Variants in LPIN1 observed in about 807,000 individuals in gnomAD.
LPIN1 encodes lipin 1.
In LPIN1, 71 loss-of-function variants were observed where a neutral mutation model predicts 107.5. That is an observed-to-expected ratio of 0.66 (90% CI 0.55 to 0.80). LPIN1 has a LOEUF of 0.80. Ranked by LOEUF, LPIN1 falls within the 30% of genes least tolerant of loss-of-function variation. The probability of loss-of-function intolerance (pLI) is 0.00; values close to 1 mark genes in which losing one functional copy is unlikely to be tolerated. For synonymous variants in LPIN1, 445 were observed against 452.6 expected (o/e 0.98, Z 0.21); for missense variants, 1,043 against 1,160.6 (o/e 0.90, Z 1.47).
intron 1 of LPIN1, among the ~76,000 whole-genome samples, chr2:11,759,437 G>A (rs186634820): frequency 0.022 from 3,352 of 152,096 alleles, 138 homozygotes; most frequent in African/African-American, 0.076. Flanking sequence ...ATCTTGCACC[G>A]CCCTTAATCC....
At chr2:11,727,872 C>T (rs963728746) in intron 1 of LPIN1, among the ~76,000 whole-genome samples, 9 of 152,232 alleles carry the variant, frequency 5.9e-5, no homozygotes, top group African/African-American at 2.2e-4. Context: ...ATGGATTCAA[C>T]CAACCGCAGG....
intron 2 of LPIN1, among the ~76,000 whole-genome samples, chr2:11,767,050 C>A (rs185970511): frequency 6.6e-6 from 1 of 152,006 alleles, no homozygotes; most frequent in East Asian, 1.9e-4. Flanking sequence ...TCAGGAGTGG[C>A]GAAGGTTCTG....
intron 1 of LPIN1, among the ~76,000 whole-genome samples, chr2:11,691,085 T>G (rs1053474101): frequency 1.5e-5 from 1 of 65,264 alleles, no homozygotes; most frequent in Non-Finnish European, 2.7e-5. Flanking sequence ...CTTGTTGTGG[T>G]TTTTTTTTTT....
intron 4 of LPIN1, 106 bp from the exon 5 acceptor site, chr2:11,773,514 C>A: frequency 2.1e-6 from 2 of 954,078 alleles, no homozygotes; most frequent in South Asian, 1.3e-5. Flanking sequence ...TTAAAGAGAT[C>A]ATGTTAATTA....
intron 1 of LPIN1, among the ~76,000 whole-genome samples, chr2:11,692,863 G>A (rs1160294679): frequency 6.6e-6 from 1 of 152,134 alleles, no homozygotes. Context: ...CCTTTGTTAA[G>A]CCCCATGATA....
chr2:11,773,268 G>A (rs1426710934), intron 4 of LPIN1, among the ~76,000 whole-genome samples: 1 of 152,212 alleles, frequency 6.6e-6, no homozygotes, highest in East Asian at 1.9e-4. Flanking sequence ...CCGCCCTGGG[G>A]CCGGTTTGGG....
At chr2:11,698,944 G>C (rs957319707) in intron 1 of LPIN1, among the ~76,000 whole-genome samples, 1 of 152,232 alleles carries the variant, frequency 6.6e-6, no homozygotes, top group Non-Finnish European at 1.5e-5. Context: ...TGGAGGCCAT[G>C]AATCAAGCTT....
intron 2 of LPIN1, among the ~76,000 whole-genome samples, chr2:11,766,350 A>G (rs936552270): frequency 2.0e-5 from 3 of 152,146 alleles, no homozygotes; most frequent in Non-Finnish European, 2.9e-5. Flanking sequence ...GGTGGTGTCA[A>G]TGGAAGAAGG....
intron 1 of LPIN1, among the ~76,000 whole-genome samples, chr2:11,700,661 CCA>C (rs1390316852): frequency 6.6e-6 from 1 of 152,162 alleles, no homozygotes; most frequent in Non-Finnish European, 1.5e-5. Flanking sequence ...TTGGCCACTT[CCA>C]CAGTGTGTGG....
intron 13 of LPIN1, 144 bp downstream of exon 13, chr2:11,792,150 GC>G (rs1675867674): frequency 1.4e-6 from 1 of 729,704 alleles, no homozygotes; most frequent in Non-Finnish European, 2.4e-6. Flanking sequence ...ATGAAGTAGG[GC>G]GAGTGCTCGT....
chr2:11,784,774 A>T (rs1389698238), intron 9 of LPIN1, 112 bp from the exon 10 acceptor site: 7 of 936,016 alleles, frequency 7.5e-6, no homozygotes, highest in Non-Finnish European at 1.2e-5. Flanking sequence ...GCTGAGATGC[A>T]GCCGTCTGCG....
chr2:11,755,778 G>C (rs1668584363), intron 1 of LPIN1, among the ~76,000 whole-genome samples: 1 of 150,674 alleles, frequency 6.6e-6, no homozygotes, highest in Non-Finnish European at 1.5e-5. Flanking sequence ...CTGGAGTTCA[G>C]TGGCGCCGTC....
At chr2:11,687,774 C>T (rs902430032) in intron 1 of LPIN1, among the ~76,000 whole-genome samples, 4 of 152,226 alleles carry the variant, frequency 2.6e-5, no homozygotes, top group East Asian at 1.9e-4. Context: ...CCAACACTCA[C>T]GGGGGAGGCA....
At chr2:11,739,880 G>A (rs773221926) in intron 1 of LPIN1, among the ~76,000 whole-genome samples, 2 of 152,232 alleles carry the variant, frequency 1.3e-5, no homozygotes, top group African/African-American at 2.4e-5. Context: ...GACATTCAAT[G>A]TAAACCCTTT....
chr2:11,762,154 A>G (rs1038146690), intron 1 of LPIN1, among the ~76,000 whole-genome samples: 1 of 152,018 alleles, frequency 6.6e-6, no homozygotes, highest in Non-Finnish European at 1.5e-5. Flanking sequence ...TCAGGGAAAC[A>G]GTTTACTGAT....
At chr2:11,805,044 A>AT in intron 16 of LPIN1, 26 bp from the exon 17 acceptor site, 4 of 1,427,970 alleles carry the variant, frequency 2.8e-6, no homozygotes, top group Non-Finnish European at 3.9e-6. Context: ...TTTTTACTTT[A>AT]TTTTTCTCTT....
In LPIN1 at chr2:11,785,069, C is replaced by G. The variant is rs1340968307; in HGVS notation, c.1542C>G (p.Ile514Met). The change falls in exon 10 of 21, where the codon ATC becomes ATG. Residue 514 changes from isoleucine (I) to methionine (M), a missense_variant. By Grantham distance (10) the Ile-to-Met change is conservative (BLOSUM62 1). Transcript: ENST00000674199. ...GGGGCCTCAGCGACCACCGGGAGAT[C>G]ACGAAAGGTACCGCGGGCCTCGCGC... is the stretch of plus-strand genomic sequence containing the variant. ...LCGGLSDHRE[I>M]TKDAFLEQAV... 3.2e-6 allele frequency: 5 copies of G among 1,578,862 alleles called. No individual in the cohort carries two copies. The highest frequency in any genetic ancestry group is 1.7e-5 in the Admixed American group (1 of 57,428).
At chr2:11,785,839 G>T (rs1037950433) in intron 10 of LPIN1, among the ~76,000 whole-genome samples, 1 of 152,124 alleles carries the variant, frequency 6.6e-6, no homozygotes, top group African/African-American at 2.4e-5. Flanking sequence ...TTTTTCTTCC[G>T]CAAAGATTGA....
intron 1 of LPIN1, among the ~76,000 whole-genome samples, chr2:11,729,158 G>C (rs1192604541): frequency 6.6e-6 from 1 of 152,188 alleles, no homozygotes; most frequent in Non-Finnish European, 1.5e-5. Context: ...GGGAACGGGG[G>C]CAAGAGGAGG....
Sources: allele counts gnomAD v4.1 joint callset (sites outside exome capture counted in the v4.1 genomes callset), GRCh38; gene constraint gnomAD v4.1.1; transcripts MANE v1.5; gene names NCBI Gene and HGNC (gene_info 2026-07-23, HGNC 2026-07-21).